The following GRIP1 variants were observed in gnomAD, a reference collection of about 807,000 sequenced individuals.
GRIP1 encodes the protein glutamate receptor-interacting protein 1.
Under a neutral mutation model 129.9 loss-of-function variants are expected in GRIP1, and 45 were observed. The ratio of observed to expected loss-of-function variants is 0.35; its 90% CI spans 0.27 to 0.44. GRIP1 has a LOEUF of 0.44. Among genes scored for constraint, GRIP1 ranks in the 20% least tolerant of loss-of-function variants. The pLI is 1.00. For missense variants in GRIP1, 1,196 were observed against 1,396.8 expected, an observed-to-expected ratio of 0.86 and a Z score of 2.29; for synonymous variants, 530 against 520.8, an observed-to-expected ratio of 1.02 and a Z score of -0.24.
At chr12:66,474,572 CAG>C (rs2138458448) in intron 7 of GRIP1, among the ~76,000 whole-genome samples, 1 of 152,202 alleles carries the variant, frequency 6.6e-6, no homozygotes, top group African/African-American at 2.4e-5. Flanking sequence ...TAAGGGCAGC[CAG>C]AGAGAAAGGT....
intron 1 of GRIP1, among the ~76,000 whole-genome samples, chr12:66,812,251 A>T (rs1461754489): frequency 6.6e-6 from 1 of 152,126 alleles, no homozygotes; most frequent in Non-Finnish European, 1.5e-5. Flanking sequence ...CTCCAGCCTC[A>T]GCCTCCTGAG....
chr12:66,757,356 A>C (rs529428216), intron 1 of GRIP1, among the ~76,000 whole-genome samples: 26 of 152,150 alleles, frequency 1.7e-4, no homozygotes, highest in Non-Finnish European at 3.5e-4. Context: ...TGTCTGGCTT[A>C]TTTCACTTAA....
At chr12:66,660,539 TACA>T (rs1404748522) in intron 1 of GRIP1, among the ~76,000 whole-genome samples, 3 of 152,286 alleles carry the variant, frequency 2.0e-5, no homozygotes, top group South Asian at 2.1e-4. Flanking sequence ...ATTGTATAAT[TACA>T]ACATCTTCAA....
chr12:66,572,350 G>T (rs564604075), intron 2 of GRIP1, among the ~76,000 whole-genome samples: 3 of 152,228 alleles, frequency 2.0e-5, no homozygotes, highest in Admixed American at 6.5e-5. Flanking sequence ...AGTAAACAGG[G>T]CCTGGGTCCC....
chr12:66,725,587 T>C (rs1191894959), intron 1 of GRIP1, among the ~76,000 whole-genome samples: 1 of 152,152 alleles, frequency 6.6e-6, no homozygotes, highest in Non-Finnish European at 1.5e-5. Context: ...CACGTGTGTG[T>C]GTATGTACAT....
At chr12:67,063,250 C>T (rs183929460) in intron 1 of GRIP1, among the ~76,000 whole-genome samples, 2 of 152,316 alleles carry the variant, frequency 1.3e-5, no homozygotes, top group East Asian at 3.9e-4. Flanking sequence ...CTATCTAGTA[C>T]ACAGACCATA....
At chr12:66,556,741 G>T (rs2062347237) in intron 2 of GRIP1, among the ~76,000 whole-genome samples, 1 of 151,916 alleles carries the variant, frequency 6.6e-6, no homozygotes, top group African/African-American at 2.4e-5. Flanking sequence ...TGAAATCAGT[G>T]TTAAGTTGTC....
intron 1 of GRIP1, among the ~76,000 whole-genome samples, chr12:66,916,943 G>A (rs1374998462): frequency 2.0e-5 from 3 of 152,148 alleles, no homozygotes; most frequent in Admixed American, 1.3e-4. Flanking sequence ...TATAGCAGTA[G>A]GAATACATCT....
Position 66,463,045 on chromosome 12 carries a change from G to A in GRIP1, c.921C>T (p.Thr307=), listed in dbSNP as rs781498786. ...VGDHILSIDG[T]SMEYCTLAEA... ...CTGCAAGTGTACAGTACTCCATGCTGGTTCCATCGATGGAGAGGATGTGAT... is the reference window on the plus strand; with the variant it reads ...CTGCAAGTGTACAGTACTCCATGCTAGTTCCATCGATGGAGAGGATGTGAT... Residue 307 remains threonine, a synonymous_variant, in exon 9 of 25, where the codon ACC becomes ACT. Transcript: ENST00000359742. The A allele has an allele frequency of 8.1e-6, 13 of 1,613,182 alleles. No homozygotes were observed. The highest frequency in any genetic ancestry group is 4.0e-5 in the African/African-American group (3 of 74,900).
chr12:66,989,377 C>T (rs972627759), intron 1 of GRIP1, among the ~76,000 whole-genome samples: 4 of 152,158 alleles, frequency 2.6e-5, no homozygotes, highest in Non-Finnish European at 4.4e-5. Flanking sequence ...TGTTGAAAAG[C>T]GTCAAATTTG....
intron 1 of GRIP1, among the ~76,000 whole-genome samples, chr12:66,636,392 T>C (rs755368301): frequency 3.9e-5 from 6 of 152,320 alleles, no homozygotes; most frequent in East Asian, 1.9e-4. Flanking sequence ...CACTTAAATA[T>C]GGTTAAAATT....
intron 1 of GRIP1, among the ~76,000 whole-genome samples, chr12:66,673,879 C>A (rs770032219): frequency 2.0e-5 from 3 of 152,166 alleles, no homozygotes; most frequent in African/African-American, 4.8e-5. Context: ...ACAAGACAGA[C>A]TTACTTTGTG....
chr12:66,452,318 A>G (rs1565753153), intron 11 of GRIP1, among the ~76,000 whole-genome samples: 1 of 152,222 alleles, frequency 6.6e-6, no homozygotes, highest in Non-Finnish European at 1.5e-5. Context: ...GGCTCCCTCT[A>G]TGACATGGCT....
intron 1 of GRIP1, among the ~76,000 whole-genome samples, chr12:66,824,253 G>A (rs2039370318): frequency 6.6e-6 from 1 of 152,140 alleles, no homozygotes; most frequent in African/African-American, 2.4e-5. Flanking sequence ...CCATCAAGGT[G>A]GAGTGCAAAG....
At chr12:67,046,524 A>G (rs1875833) in intron 1 of GRIP1, among the ~76,000 whole-genome samples, 8,699 of 152,268 alleles carry the variant, frequency 0.057, 774 homozygotes, top group African/African-American at 0.19. Flanking sequence ...TTTACATAGA[A>G]CATAATAATA....
chr12:66,633,506 C>CA (rs2031051528), intron 1 of GRIP1, among the ~76,000 whole-genome samples: 1 of 151,780 alleles, frequency 6.6e-6, no homozygotes. Flanking sequence ...ATCACAAATT[C>CA]AAAAAATCCA....
chr12:66,353,979 C>A (rs2137087756), intron 23 of GRIP1, among the ~76,000 whole-genome samples: 1 of 152,322 alleles, frequency 6.6e-6, no homozygotes, highest in South Asian at 2.1e-4. Flanking sequence ...CCCACTCCTG[C>A]CTGGTGCTCT....
intron 2 of GRIP1, among the ~76,000 whole-genome samples, chr12:66,581,477 G>C (rs2063376421): frequency 1.4e-5 from 2 of 146,618 alleles, no homozygotes; most frequent in African/African-American, 2.5e-5. Context: ...CTGGTTTTTT[G>C]AAAGGATCAA....
chr12:66,427,432 A>G (rs1272229194), intron 14 of GRIP1, among the ~76,000 whole-genome samples: 1 of 152,166 alleles, frequency 6.6e-6, no homozygotes. Flanking sequence ...TAAAAAAAAT[A>G]GTATTTTCAA....
Sources: allele counts gnomAD v4.1 joint callset (sites outside exome capture counted in the v4.1 genomes callset), GRCh38; gene constraint gnomAD v4.1.1; transcripts MANE v1.5; gene names NCBI Gene and HGNC (gene_info 2026-07-23, HGNC 2026-07-21).